The following GREB1L variants were observed in gnomAD, a reference collection of about 807,000 sequenced individuals.
GREB1L encodes GREB1 like retinoic acid receptor coactivator, also known as GREB1-like protein.
In GREB1L, 17 loss-of-function variants were observed where a neutral mutation model predicts 200.8. The ratio of observed to expected loss-of-function variants is 0.08; its 90% confidence interval spans 0.06 to 0.13. GREB1L has a LOEUF of 0.13. Among genes scored for constraint, GREB1L ranks in the 10% least tolerant of loss-of-function variants. GREB1L has a pLI of 1.00. For missense variants in GREB1L, 1,657 were observed against 2,367.7 expected (o/e 0.70, Z 6.23); for synonymous variants, 789 against 893.0 (o/e 0.88, Z 2.08).
chr18:21,423,079 T>G (rs1598806556), intron 7 of GREB1L, among the ~76,000 whole-genome samples: 1 of 152,152 alleles, frequency 6.6e-6, no homozygotes, highest in South Asian at 2.1e-4. Context: ...TACAGGCAGG[T>G]GCCACCATGC....
intron 6 of GREB1L, among the ~76,000 whole-genome samples, chr18:21,403,495 A>C (rs2041401768): frequency 6.6e-6 from 1 of 152,180 alleles, no homozygotes; most frequent in Non-Finnish European, 1.5e-5. Flanking sequence ...CTACATTTAA[A>C]CCAATCCCAG....
chr18:21,440,166 T>C, intron 8 of GREB1L, 103 bp from the exon 9 acceptor site: 7 of 1,211,616 alleles, frequency 5.8e-6, no homozygotes, highest in Non-Finnish European at 8.0e-6. Context: ...TATAATCAAA[T>C]TAAAGGTTCT....
At chr18:21,254,370 C>T (rs1157034841) in intron 1 of GREB1L, among the ~76,000 whole-genome samples, 1 of 151,934 alleles carries the variant, frequency 6.6e-6, no homozygotes, top group African/African-American at 2.4e-5. Flanking sequence ...TGCCCAGCCG[C>T]TTTTGGGCTT....
At chr18:21,454,157 AT>A (rs1172569053) in intron 14 of GREB1L, among the ~76,000 whole-genome samples, 1 of 152,216 alleles carries the variant, frequency 6.6e-6, no homozygotes, top group Non-Finnish European at 1.5e-5. Flanking sequence ...AAACTGCAGC[AT>A]CCACTCCTGA....
In GREB1L at chr18:21,395,554, A is replaced by G. The variant is rs1317907151; in HGVS notation, c.525A>G (p.Ala175=). The change falls in exon 5 of 33, where the codon GCA becomes GCG. Residue 175 remains alanine (A), a synonymous_variant. Coordinates refer to ENST00000424526, the MANE Select transcript of GREB1L (RefSeq NM_001142966.3). ...RFLPDDHGKN[A]LLGFSGNCIG... The stretch of plus-strand genomic sequence containing the variant: ...TACCAGATGATCATGGAAAAAATGC[A>G]CTTTTAGGTGAGTGTTTCATGCTTA... The G allele has an allele frequency of 2.6e-6, 4 of 1,548,554 alleles. No individual in the cohort carries two copies. The highest frequency in any genetic ancestry group is 2.6e-6 in the Non-Finnish European group (3 of 1,145,594).
intron 1 of GREB1L, among the ~76,000 whole-genome samples, chr18:21,361,449 A>C (rs1380885757): frequency 6.6e-6 from 1 of 152,188 alleles, no homozygotes; most frequent in Non-Finnish European, 1.5e-5. Flanking sequence ...GGCTGCACAA[A>C]TTAAGGTGGA....
intron 1 of GREB1L, among the ~76,000 whole-genome samples, chr18:21,348,517 G>T (rs1015188292): frequency 6.6e-6 from 1 of 152,196 alleles, no homozygotes; most frequent in East Asian, 1.9e-4. Context: ...GCTCATGTCT[G>T]TAATCTCAGC....
intron 1 of GREB1L, among the ~76,000 whole-genome samples, chr18:21,338,274 G>A (rs901358277): frequency 1.3e-5 from 2 of 152,210 alleles, no homozygotes. Flanking sequence ...TGGCAACAGT[G>A]TTCCTCAGGT....
chr18:21,363,279 T>TCCCCCCCCCCCCCCCC (rs71369899), intron 1 of GREB1L, among the ~76,000 whole-genome samples: 1 of 5,004 alleles, frequency 2.0e-4, no homozygotes, highest in Non-Finnish European at 3.6e-4. Context: ...CCACTCCGCC[T>TCCCCCCCCCCCCCCCC]CCCCCCCGCC....
chr18:21,371,891 G>A (rs1238036286), intron 2 of GREB1L, among the ~76,000 whole-genome samples: 1 of 151,554 alleles, frequency 6.6e-6, no homozygotes, highest in Non-Finnish European at 1.5e-5. Context: ...AATCTCATGT[G>A]TTTTCACAAA....
In GREB1L at chr18:21,495,765, T is replaced by A; in HGVS notation, c.3126T>A (p.Pro1042=). Residue 1042 remains proline, a synonymous_variant, in exon 20 of 33, where the codon CCT becomes CCA. Transcript: ENST00000424526. ...PCIVILTGKD[P]LGETFPRSLK... ...TTGTGATATTAACTGGCAAAGATCCTCTTGGAGAAACCTTTCCCAGGTACA... is the reference window on the plus strand; with the variant it reads ...TTGTGATATTAACTGGCAAAGATCCACTTGGAGAAACCTTTCCCAGGTACA... 1 of 1,535,560 alleles carries A rather than the reference T, an allele frequency of 6.5e-7. No homozygotes were observed. The highest frequency in any genetic ancestry group is 1.7e-4 in the Middle Eastern group (1 of 5,950).
intron 18 of GREB1L, among the ~76,000 whole-genome samples, chr18:21,487,487 T>C (rs2036170229): frequency 1.3e-5 from 2 of 152,196 alleles, no homozygotes; most frequent in South Asian, 4.1e-4. Context: ...CCCAGCCTAA[T>C]AGTAGCTATG....
chr18:21,463,219 C>T (rs1403765028), intron 15 of GREB1L, among the ~76,000 whole-genome samples: 9 of 133,862 alleles, frequency 6.7e-5, no homozygotes, highest in Middle Eastern at 4.4e-3. Flanking sequence ...GATCTCGGCT[C>T]ACTGCAAGCT....
chr18:21,252,264 A>T (rs1465945471), intron 1 of GREB1L, among the ~76,000 whole-genome samples: 1 of 152,218 alleles, frequency 6.6e-6, no homozygotes, highest in Non-Finnish European at 1.5e-5. Context: ...ATTTGTTTTG[A>T]AAGTTATATT....
At chr18:21,322,228 TTAAC>T (rs1185457529) in intron 1 of GREB1L, among the ~76,000 whole-genome samples, 1 of 152,116 alleles carries the variant, frequency 6.6e-6, no homozygotes, top group African/African-American at 2.4e-5. Flanking sequence ...ATCATTTAGA[TTAAC>T]AAGTAAAGGA....
intron 1 of GREB1L, among the ~76,000 whole-genome samples, chr18:21,333,121 C>T (rs933319788): frequency 6.6e-6 from 1 of 152,020 alleles, no homozygotes; most frequent in Non-Finnish European, 1.5e-5. Context: ...CATACGGTCT[C>T]TCTTATTTCT....
chr18:21,245,487 C>T (rs767792404), intron 1 of GREB1L, among the ~76,000 whole-genome samples: 1 of 152,050 alleles, frequency 6.6e-6, no homozygotes, highest in Non-Finnish European at 1.5e-5. Flanking sequence ...TTTTCCAGCT[C>T]CCTTCCCAAT....
At chr18:21,408,205 A>G (rs2030515203) in intron 7 of GREB1L, among the ~76,000 whole-genome samples, 2 of 152,226 alleles carry the variant, frequency 1.3e-5, no homozygotes, top group Non-Finnish European at 2.9e-5. Flanking sequence ...TATTGTATGC[A>G]TGTATCAAAA....
intron 1 of GREB1L, chr18:21,317,042 T>G (rs1216508003): frequency 6.6e-6 from 1 of 152,120 alleles, no homozygotes; most frequent in Non-Finnish European, 1.5e-5. Flanking sequence ...GGATTACAGG[T>G]GTAAGCCATC....
Sources: gnomAD v4.1 joint callset for allele counts (sites outside exome capture counted in the v4.1 genomes callset) on GRCh38, gnomAD v4.1.1 for gene constraint, MANE v1.5 for transcripts, NCBI Gene and HGNC (gene_info 2026-07-23, HGNC 2026-07-21) for gene names.